The following THRB variants were observed in gnomAD, a reference collection of about 807,000 sequenced individuals.
THRB encodes nuclear receptor subfamily 1 group A member 2.
A neutral mutation model predicts 47.8 loss-of-function variants in THRB; 12 were observed. The ratio of observed to expected loss-of-function variants is 0.25; its 90% CI spans 0.16 to 0.41. The LOEUF is 0.41. Among genes scored for constraint, THRB ranks in the 10% least tolerant of loss-of-function variants. THRB has a pLI of 1.00. For synonymous variants in THRB, 218 were observed against 212.2 expected (o/e 1.03, Z -0.24); for missense variants, 348 against 589.2 (o/e 0.59, Z 4.24).
rs538171987 is a variant in THRB at position 24,323,322 on chromosome 3, G to A, written c.-189+13978C>T. On this transcript the variant is annotated intron_variant, in intron 2 of 10. Coordinates refer to ENST00000646209, the MANE Select transcript of THRB (RefSeq NM_001354712.2). ...ACTGCTCCCCAAGCCAAGCAAGACA[G>A]GAGCTGTTAATGGCTCTGTTTGTTT... Among the ~76,000 whole-genome samples, 95 of 152,098 alleles carry A rather than the reference G, an allele frequency of 6.2e-4. No individual in the cohort carries two copies. The Middle Eastern group carries it at 0.01, about 16-fold the overall frequency.
At chr3:24,214,136 C>A (rs1291328658) in intron 4 of THRB, among the ~76,000 whole-genome samples, 2 of 152,208 alleles carry the variant, frequency 1.3e-5, no homozygotes, top group Non-Finnish European at 2.9e-5. Context: ...AAGGTCACAG[C>A]TGAAGAGGTA....
At chr3:24,212,183 A>T (rs984410722) in intron 4 of THRB, among the ~76,000 whole-genome samples, 1 of 151,308 alleles carries the variant, frequency 6.6e-6, no homozygotes, top group South Asian at 2.1e-4. Context: ...TGGATCACGA[A>T]GTCAGGAGTT....
chr3:24,298,614 T>C (rs1173781014), intron 2 of THRB, among the ~76,000 whole-genome samples: 1 of 152,158 alleles, frequency 6.6e-6, no homozygotes. Flanking sequence ...TTCAAATACT[T>C]TTTACCCTAA....
intron 5 of THRB, among the ~76,000 whole-genome samples, chr3:24,153,965 C>G (rs565583841): frequency 3.4e-4 from 51 of 152,192 alleles, no homozygotes; most frequent in Middle Eastern, 3.4e-3. Flanking sequence ...TTTTATTAAA[C>G]TAGGTCACTG....
intron 8 of THRB, among the ~76,000 whole-genome samples, chr3:24,133,974 TAC>T (rs763595684): frequency 6.6e-6 from 1 of 152,156 alleles, no homozygotes; most frequent in African/African-American, 2.4e-5. Context: ...CCCTCTGCCC[TAC>T]AGACTCCAGT....
intron 3 of THRB, among the ~76,000 whole-genome samples, chr3:24,255,030 G>A (rs575814364): frequency 2.0e-5 from 3 of 152,284 alleles, no homozygotes; most frequent in South Asian, 2.1e-4. Context: ...GAAATAGAGT[G>A]TCCTTGGGAA....
At chr3:24,184,850 C>A (rs1463895049) in intron 5 of THRB, among the ~76,000 whole-genome samples, 1 of 152,134 alleles carries the variant, frequency 6.6e-6, no homozygotes, top group African/African-American at 2.4e-5. Context: ...GCTTTTTAAT[C>A]CTCCACCTTT....
intron 8 of THRB, 71 bp downstream of exon 8, chr3:24,143,430 T>C (rs1251287469): frequency 6.9e-7 from 1 of 1,446,058 alleles, no homozygotes; most frequent in Non-Finnish European, 9.7e-7. Flanking sequence ...CCCAAGGTGA[T>C]GAGGACTGAA....
At chr3:24,280,046 C>A (rs971015025) in intron 3 of THRB, among the ~76,000 whole-genome samples, 1 of 152,162 alleles carries the variant, frequency 6.6e-6, no homozygotes, top group African/African-American at 2.4e-5. Flanking sequence ...CACTTGGCTG[C>A]CTTAGCTCAA....
chr3:24,231,180 G>A (rs961039000), intron 3 of THRB, among the ~76,000 whole-genome samples: 1 of 152,200 alleles, frequency 6.6e-6, no homozygotes, highest in Non-Finnish European at 1.5e-5. Context: ...AAAGAATCCT[G>A]ACTGATAATA....
At chr3:24,199,990 T>C (rs1194252335) in intron 4 of THRB, among the ~76,000 whole-genome samples, 1 of 152,220 alleles carries the variant, frequency 6.6e-6, no homozygotes, top group African/African-American at 2.4e-5. Flanking sequence ...CCCCCAGGAA[T>C]GGTCATTTGA....
chr3:24,371,961 C>A (rs1218478307), intron 1 of THRB, among the ~76,000 whole-genome samples: 1 of 152,082 alleles, frequency 6.6e-6, no homozygotes, highest in African/African-American at 2.4e-5. Context: ...TCAGTTCATG[C>A]TTGCTCCTCT....
At chr3:24,280,837 G>A (rs1338253381) in intron 3 of THRB, among the ~76,000 whole-genome samples, 1 of 152,124 alleles carries the variant, frequency 6.6e-6, no homozygotes, top group Middle Eastern at 3.2e-3. Flanking sequence ...AAGGGTATCA[G>A]TGATGGAAGA....
At chr3:24,451,380 C>G (rs565339342) in intron 1 of THRB, among the ~76,000 whole-genome samples, 1 of 152,012 alleles carries the variant, frequency 6.6e-6, no homozygotes, top group East Asian at 1.9e-4. Context: ...ACTACAGGTG[C>G]CTGCCACCAT....
intron 1 of THRB, among the ~76,000 whole-genome samples, chr3:24,463,418 A>G (rs944537288): frequency 3.3e-5 from 5 of 152,052 alleles, no homozygotes; most frequent in Admixed American, 2.6e-4. Flanking sequence ...ATGTGCGGCT[A>G]ATTTTTTTTA....
intron 1 of THRB, among the ~76,000 whole-genome samples, chr3:24,476,988 T>C (rs557116989): frequency 6.6e-6 from 1 of 151,604 alleles, no homozygotes; most frequent in African/African-American, 2.4e-5. Context: ...ATTGGGTATT[T>C]ATGGTAGTGG....
intron 1 of THRB, among the ~76,000 whole-genome samples, chr3:24,438,972 C>A (rs1321742621): frequency 6.6e-6 from 1 of 152,092 alleles, no homozygotes; most frequent in Non-Finnish European, 1.5e-5. Context: ...GTAAGGGAAG[C>A]AAGGGAGGGC....
chr3:24,243,621 G>A (rs144706035), intron 3 of THRB, among the ~76,000 whole-genome samples: 59 of 152,098 alleles, frequency 3.9e-4, no homozygotes, highest in African/African-American at 1.4e-3. Context: ...TGGGCACGGC[G>A]CTTCCCAATA....
intron 3 of THRB, among the ~76,000 whole-genome samples, chr3:24,235,968 C>A (rs927581036): frequency 6.6e-6 from 1 of 152,154 alleles, no homozygotes; most frequent in Non-Finnish European, 1.5e-5. Flanking sequence ...CCCCTCACCC[C>A]ACCCTGTCCC....
Sources: allele counts gnomAD v4.1 joint callset (sites outside exome capture counted in the v4.1 genomes callset), GRCh38; gene constraint gnomAD v4.1.1; transcripts MANE v1.5; gene names NCBI Gene and HGNC (gene_info 2026-07-23, HGNC 2026-07-21).